The following C2orf49 variants were observed in gnomAD, a reference collection of about 807,000 sequenced individuals.
C2orf49 encodes tRNA-splicing ligase complex subunit ASW.
In C2orf49, 11 loss-of-function variants were observed where a neutral mutation model predicts 20.6. The ratio of observed to expected loss-of-function variants is 0.53; its 90% CI spans 0.34 to 0.88. C2orf49 has a LOEUF of 0.88. Among genes scored for constraint, C2orf49 ranks in the 40% least tolerant of loss-of-function variants. C2orf49 has a pLI of 0.02. For synonymous variants in C2orf49, 134 were observed against 108.5 expected (o/e 1.24, Z -1.46); for missense variants, 289 against 274.2 (o/e 1.05, Z -0.38).
chr2:105,358,928 T>C, the C2orf49 span: 1 of 152,230 alleles, frequency 6.6e-6, no homozygotes, highest in Admixed American at 6.5e-5. Flanking sequence ...TCCCGAACTC[T>C]GGCCTCTGGT....
the C2orf49 span, among the ~76,000 whole-genome samples, chr2:105,355,941 A>C: frequency 6.6e-6 from 1 of 152,132 alleles, no homozygotes; most frequent in East Asian, 1.9e-4. Context: ...TGTTTGAATA[A>C]AACTTTTTTG....
In C2orf49 at chr2:105,343,176, C is replaced by G; in HGVS notation, c.595C>G (p.Pro199Ala). The G allele has an allele frequency of 1.2e-6, 2 of 1,612,200 alleles. No individual in the cohort carries two copies. Among genetic ancestry groups the G allele is most frequent in the Non-Finnish European group, 1.7e-6 (2 of 1,179,470 alleles). Residue 199 changes from proline (P) to alanine (A), a missense_variant, in exon 3 of 4, where the codon CCA becomes GCA. Transcript: ENST00000258457. Reference protein sequence around the residue: ...SPPLSPVGTTPVKLKRAAPKE... With the variant: ...SPPLSPVGTTAVKLKRAAPKE... ...ACCATTGTCCCCTGTTGGAACTACTCCAGTGAAGTTAAAGAGAGCTGCTCC... is the reference window on the plus strand; with the variant it reads ...ACCATTGTCCCCTGTTGGAACTACTGCAGTGAAGTTAAAGAGAGCTGCTCC...
At chr2:105,349,547 T>C (rs1679890777), downstream of C2orf49, among the ~76,000 whole-genome samples, 1 of 152,230 alleles carries the variant, frequency 6.6e-6, no homozygotes, top group South Asian at 2.1e-4. Flanking sequence ...GATCATCTTA[T>C]TGTGGAATAA....
downstream of C2orf49, among the ~76,000 whole-genome samples, chr2:105,352,474 T>G (rs1679961837): frequency 7.4e-6 from 1 of 134,426 alleles, no homozygotes; most frequent in Non-Finnish European, 1.6e-5. Flanking sequence ...AGATGGAGTC[T>G]TGCTCTGTTG....
At chr2:105,366,990 C>T in the C2orf49 span, among the ~76,000 whole-genome samples, 1 of 152,194 alleles carries the variant, frequency 6.6e-6, no homozygotes, top group Non-Finnish European at 1.5e-5. Context: ...AGGTAATCCA[C>T]CAGCCTTGGC....
chr2:105,354,582 A>G, the C2orf49 span, among the ~76,000 whole-genome samples: 1 of 152,082 alleles, frequency 6.6e-6, no homozygotes, highest in East Asian at 1.9e-4. Context: ...AAAAGACTCA[A>G]CTGAACCCTG....
rs1031452912 is a variant in C2orf49, at chr2:105,346,463, G to A, written c.*1092G>A. The A allele has an allele frequency of 6.6e-6, 1 of 152,138 alleles. No homozygotes were observed. The highest frequency in any genetic ancestry group is 6.5e-5 in the Admixed American group (1 of 15,274). The allele number at this position is 152,138 out of a possible 1,614,324, so 9.4% of individuals were successfully genotyped here. ...CACTCTGTGAGTTCAGCTATTACTCGCTCGTGGGAGCTTAATCTTTTCAAA... is the reference window on the plus strand; with the variant it reads ...CACTCTGTGAGTTCAGCTATTACTCACTCGTGGGAGCTTAATCTTTTCAAA... On this transcript the variant is annotated 3_prime_UTR_variant, in exon 4 of 4. Coordinates refer to ENST00000258457, the MANE Select transcript of C2orf49 (RefSeq NM_024093.3).
chr2:105,354,997 C>G, the C2orf49 span, among the ~76,000 whole-genome samples: 3 of 152,102 alleles, frequency 2.0e-5, no homozygotes, highest in Non-Finnish European at 4.4e-5. Flanking sequence ...CAGCAAGAAC[C>G]CAGAGAAGCA....
chr2:105,370,426 GA>G, the C2orf49 span, among the ~76,000 whole-genome samples: 1 of 152,080 alleles, frequency 6.6e-6, no homozygotes, highest in African/African-American at 2.4e-5. Flanking sequence ...CAGGGTTGGA[GA>G]CAGAATCGCT....
At chr2:105,340,416 C>G (rs1335568313) in intron 2 of C2orf49, among the ~76,000 whole-genome samples, 6 of 152,108 alleles carry the variant, frequency 3.9e-5, no homozygotes, top group African/African-American at 7.2e-5. Context: ...AGCAGGGAAA[C>G]AAATTAGAAG....
intron 1 of C2orf49, among the ~76,000 whole-genome samples, chr2:105,339,313 G>T (rs1049738709): frequency 9.9e-4 from 150 of 152,174 alleles, no homozygotes; most frequent in African/African-American, 3.5e-3. Context: ...TACTGGAAAT[G>T]ATCTTTCATG....
downstream of C2orf49, among the ~76,000 whole-genome samples, chr2:105,353,496 T>G (rs955138504): frequency 1.3e-5 from 2 of 152,184 alleles, no homozygotes; most frequent in Admixed American, 6.5e-5. Flanking sequence ...GTTTAAAAAC[T>G]CATGTATTTA....
At chr2:105,339,418 A>G (rs369657994) in intron 1 of C2orf49, among the ~76,000 whole-genome samples, 165 bp from the exon 2 acceptor site, 257 of 152,366 alleles carry the variant, frequency 1.7e-3, no homozygotes, top group African/African-American at 5.9e-3. Flanking sequence ...CCTAGTATCT[A>G]CAGAATTTAA....
intron 3 of C2orf49, among the ~76,000 whole-genome samples, chr2:105,344,527 A>C (rs1003001380): frequency 6.6e-6 from 1 of 152,118 alleles, no homozygotes; most frequent in African/African-American, 2.4e-5. Context: ...TGTAGGGCCC[A>C]CATATAAATC....
rs1679866022 is a variant in C2orf49, at chr2:105,348,465, C to T, written c.*3094C>T. 2 of 150,786 alleles carry T rather than the reference C, an allele frequency of 1.3e-5. No individual in the cohort carries two copies. The highest frequency in any genetic ancestry group is 4.2e-4 in the South Asian group (2 of 4,790). The allele number at this position is 150,786 out of a possible 1,614,324, so 9.3% of individuals were successfully genotyped here. A position where few individuals can be genotyped will look rare whatever the true frequency, so the allele number is the denominator to read the frequency against. Reference sequence around the variant, plus strand: ...CAATTCTAAAATTGATCTAGAGACTCATTCAATAGCAATGTGACCTTTTAA... The same window carrying T: ...CAATTCTAAAATTGATCTAGAGACTTATTCAATAGCAATGTGACCTTTTAA... On this transcript the variant is annotated 3_prime_UTR_variant, in exon 4 of 4. Transcript: ENST00000258457.
At chr2:105,352,185 C>T (rs1679950498), downstream of C2orf49, among the ~76,000 whole-genome samples, 1 of 152,198 alleles carries the variant, frequency 6.6e-6, no homozygotes, top group African/African-American at 2.4e-5. Context: ...TGCCTTTAAT[C>T]TTACAGACTC....
At chr2:105,376,656 T>G in the C2orf49 span, 2 of 152,250 alleles carry the variant, frequency 1.3e-5, no homozygotes, top group Non-Finnish European at 2.9e-5. Flanking sequence ...GCAATTGTAC[T>G]TTTGGATATA....
At chr2:105,352,429 G>GTTTTTTTTTTTTTTTTTTTTTTTTGTTTT (rs61585149), downstream of C2orf49, among the ~76,000 whole-genome samples, 3 of 80,764 alleles carry the variant, frequency 3.7e-5, no homozygotes, top group African/African-American at 5.1e-5. Context: ...GTTTGTTTGG[G>GTTTTTTTTTTTTTTTTTTTTTTTTGTTTT]TTTTTTTTTT....
Position 105,337,695 on chromosome 2 carries a change from C to G in C2orf49, c.99+9C>G. On this transcript the variant is annotated intron_variant, in intron 1 of 3. Transcript: ENST00000258457. ...TCCTCACTCTGGAGCAGGTTGGGCG[C>G]GCCGGATCGGAGGGTGGGCGGGTGG... The G allele has an allele frequency of 3.5e-6, 1 of 284,294 alleles. No homozygotes were observed. The highest frequency in any genetic ancestry group is 5.1e-6 in the Non-Finnish European group (1 of 196,004). The allele number at this position is 284,294 out of a possible 1,614,324, so 17.6% of individuals were successfully genotyped here.
Sources: allele counts gnomAD v4.1 joint callset (sites outside exome capture counted in the v4.1 genomes callset), GRCh38; gene constraint gnomAD v4.1.1; transcripts MANE v1.5; gene names NCBI Gene and HGNC (gene_info 2026-07-23, HGNC 2026-07-21).